The following ADGRL1 variants were observed in gnomAD, a reference collection of about 807,000 sequenced individuals.
ADGRL1 encodes CIRL-1.
ADGRL1 carries 31 observed loss-of-function variants against 148.9 expected under a neutral mutation model. The observed-to-expected ratio is 0.21, with a 90% CI of 0.16 to 0.28. The LOEUF is 0.28. Ranked by LOEUF, ADGRL1 falls within the 10% of genes least tolerant of loss-of-function variation. ADGRL1 has a pLI of 1.00. For synonymous variants in ADGRL1, 937 were observed against 900.3 expected (o/e 1.04, Z -0.73); for missense variants, 1,521 against 2,058.8 (o/e 0.74, Z 5.05).
Position 14,155,257 on chromosome 19 carries a change from T to C in ADGRL1, c.3294+102A>G. The C allele has an allele frequency of 7.4e-7, 1 of 1,356,996 alleles. No individual in the cohort carries two copies. Among genetic ancestry groups the C allele is most frequent in the Non-Finnish European group, 1.0e-6 (1 of 980,802 alleles). The allele number at this position is 1,356,996 out of a possible 1,614,324, so 84.1% of individuals were successfully genotyped here. A position where few individuals can be genotyped will look rare whatever the true frequency, so the allele number is the denominator to read the frequency against. On this transcript the variant is annotated intron_variant, in intron 18 of 22. Coordinates refer to ENST00000361434, the MANE Select transcript of ADGRL1 (RefSeq NM_014921.5). This position sits in a 1 kb window ranked among gnomAD's most constrained non-coding sequence, Gnocchi z 5.0. Reference sequence around the variant, plus strand: ...AGCCCTGCAGCACTCACTGGGGGCTTGAGGGAGCCCCTGAGTCCCCTCCAC... The same window carrying C: ...AGCCCTGCAGCACTCACTGGGGGCTCGAGGGAGCCCCTGAGTCCCCTCCAC...
chr19:14,167,955 C>T (rs1005184485), intron 4 of ADGRL1, among the ~76,000 whole-genome samples: 6 of 152,118 alleles, frequency 3.9e-5, no homozygotes, highest in East Asian at 1.9e-4. Context: ...GAGGAAGGGG[C>T]GCGGTTAGAC....
intron 2 of ADGRL1, among the ~76,000 whole-genome samples, chr19:14,179,860 A>G (rs1352001086): frequency 6.6e-6 from 1 of 151,938 alleles, no homozygotes; most frequent in Non-Finnish European, 1.5e-5. Flanking sequence ...CAGTGATGGC[A>G]TGCAGAGATC....
In ADGRL1 at chr19:14,152,471, G is replaced by C; in HGVS notation, c.3521-34C>G. ...AGGATCAGAGGTCACAAGGCAGCCG[G>C]GAGCCTCCAGAGACTGAAGCCAGAG... On this transcript the variant is annotated intron_variant, in intron 20 of 22. Transcript: ENST00000361434. This position sits in a 1 kb window ranked among gnomAD's most constrained non-coding sequence, Gnocchi z 6.1. 1.2e-6 allele frequency: 2 copies of C among 1,608,918 alleles called. No individual in the cohort carries two copies. The highest frequency in any genetic ancestry group is 1.7e-6 in the Non-Finnish European group (2 of 1,175,820).
At position 14,148,177 on chromosome 19, in the gene ADGRL1, G is replaced by T. The variant is rs1180184308; in HGVS notation, c.*2696C>A. On this transcript the variant is annotated 3_prime_UTR_variant, in exon 23 of 23. Transcript: ENST00000361434. Reference sequence around the variant, plus strand: ...CTCTGTACCGTCCCAGCTGGGGTGGGGGCGTCAAGGCACCAGGTCTGGTTA... The same window carrying T: ...CTCTGTACCGTCCCAGCTGGGGTGGTGGCGTCAAGGCACCAGGTCTGGTTA... 1 of 152,866 alleles carries T rather than the reference G, an allele frequency of 6.5e-6. No individual in the cohort carries two copies. Among genetic ancestry groups the T allele is most frequent in the Non-Finnish European group, 1.5e-5 (1 of 68,218 alleles). 9.5% of individuals were successfully genotyped at this position (152,866 alleles called of 1,614,324 possible). A position where few individuals can be genotyped will look rare whatever the true frequency, so the allele number is the denominator to read the frequency against.
rs1968334335 is a variant in ADGRL1 at position 14,152,675 on chromosome 19, A to C, written c.3424-62T>G. On this transcript the variant is annotated intron_variant, in intron 19 of 22. Transcript: ENST00000361434. The surrounding 1 kb of genome is among the most constrained non-coding windows in gnomAD (Gnocchi z 6.1). ...CCACCCACCCTCTGGCGTCTTTCTG[A>C]GACTGCTCACCTGATCATCACGATC... 1 of 1,602,064 alleles carries C rather than the reference A, an allele frequency of 6.2e-7. No homozygotes were observed. Among genetic ancestry groups the C allele is most frequent in the Admixed American group, 1.7e-5 (1 of 59,790 alleles).
rs147773401 is a variant in ADGRL1, at chr19:14,184,626, A to G, written c.-95-929T>C. Among the ~76,000 whole-genome samples, 5 of 88,804 alleles carry G rather than the reference A, an allele frequency of 5.6e-5. 1 individual carries two copies. In the South Asian group the frequency reaches 1.6e-3, roughly 28 times the overall value. The allele number at this position is 88,804 out of a possible 152,430, so 58.3% of individuals were successfully genotyped here. ...TTTTATTTTATTTATTTATTTATTT[A>G]TTTATTTATTTATTTATTTATTTTT... On this transcript the variant is annotated intron_variant, in intron 1 of 22. Transcript: ENST00000361434.
chr19:14,184,646 A>ATTTTTTTTTTTTTTTT (rs368698858), intron 1 of ADGRL1, among the ~76,000 whole-genome samples: 1 of 97,730 alleles, frequency 1.0e-5, no homozygotes, highest in Admixed American at 1.1e-4. Context: ...TTATTTATTT[A>ATTTTTTTTTTTTTTTT]TTTTTTTTTC....
chr19:14,200,263 G>C (rs1321463745), intron 1 of ADGRL1, among the ~76,000 whole-genome samples: 2 of 152,228 alleles, frequency 1.3e-5, no homozygotes, highest in African/African-American at 4.8e-5. Context: ...GTGAGCTGGT[G>C]AGGAGAGTGG....
chr19:14,200,298 C>T (rs944669410), intron 1 of ADGRL1, among the ~76,000 whole-genome samples: 4 of 152,106 alleles, frequency 2.6e-5, no homozygotes, highest in African/African-American at 7.2e-5. Context: ...AGGGAGGTGC[C>T]GGGAACAGAC....
chr19:14,163,359 T>A lies in ADGRL1; in HGVS notation c.442A>T (p.Thr148Ser). Residue 148 changes from threonine to serine, a missense_variant, in exon 5 of 23, where the codon ACA (threonine) becomes TCA (serine). Transcript: ENST00000361434. ...CCAGACTGGTGCTCTGACTCGTGTGTCGAGGTGGGCTCCAGCACCTTCTGC... is the reference window on the plus strand; with the variant it reads ...CCAGACTGGTGCTCTGACTCGTGTGACGAGGTGGGCTCCAGCACCTTCTGC... ...TLQKVLEPTSTHESEHQSGAW... is the reference protein window; with the variant it reads ...TLQKVLEPTSSHESEHQSGAW... The A allele has an allele frequency of 6.3e-7, 1 of 1,599,210 alleles. No individual in the cohort carries two copies. The highest frequency in any genetic ancestry group is 8.5e-7 in the Non-Finnish European group (1 of 1,173,944).
intron 4 of ADGRL1, among the ~76,000 whole-genome samples, chr19:14,165,528 C>A (rs1281079773): frequency 6.6e-6 from 1 of 152,132 alleles, no homozygotes; most frequent in Admixed American, 6.5e-5. Context: ...ACAGCAAGGA[C>A]CCTTCACCAG....
intron 1 of ADGRL1, among the ~76,000 whole-genome samples, chr19:14,202,822 C>T (rs780885935): frequency 9.9e-5 from 15 of 152,026 alleles, no homozygotes; most frequent in Non-Finnish European, 1.8e-4. Flanking sequence ...CATGACCACC[C>T]CCTCTGCAAA....
intron 4 of ADGRL1, among the ~76,000 whole-genome samples, chr19:14,167,645 C>A (rs966513178): frequency 3.3e-5 from 5 of 152,082 alleles, no homozygotes; most frequent in Admixed American, 6.5e-5. Flanking sequence ...CAAGCCCTCA[C>A]AACCCAGAAG....
At chr19:14,177,145 C>A (rs560402789) in intron 3 of ADGRL1, among the ~76,000 whole-genome samples, 5 of 152,204 alleles carry the variant, frequency 3.3e-5, no homozygotes, top group African/African-American at 1.2e-4. Context: ...GCAGAAGAAT[C>A]GCCTAAACCC....
chr19:14,157,666 T>C lies in ADGRL1; in HGVS notation c.2536-206A>G, dbSNP rs1355307827. 1.3e-5 allele frequency among the ~76,000 whole-genome samples: 2 copies of C among 152,206 alleles called. No homozygotes were observed. Among genetic ancestry groups the C allele is most frequent in the Admixed American group, 1.3e-4 (2 of 15,290 alleles). ...AAGGCTTGTGGAGAGATGACCAACGTAACACCAACTTGCTTCTCCAGAGTG... is the reference window on the plus strand; with the variant it reads ...AAGGCTTGTGGAGAGATGACCAACGCAACACCAACTTGCTTCTCCAGAGTG... On this transcript the variant is annotated intron_variant, in intron 13 of 22. Transcript: ENST00000361434. The surrounding 1 kb of genome is among the most constrained non-coding windows in gnomAD (Gnocchi z 7.5).
rs1969543160 is a variant in ADGRL1, at chr19:14,162,865, G to A, written c.936C>T (p.Asn312=). Residue 312 remains asparagine (N), a synonymous_variant, in exon 5 of 23, where the codon AAC becomes AAT. Transcript: ENST00000361434. The surrounding 1 kb of genome is among the most constrained non-coding windows in gnomAD (Gnocchi z 5.4). The part of the protein sequence containing the change: ...ETGYDKRSAS[N]AFMVCGVLYV... ...ACAGGACCCCACACACCATGAAGGC[G>A]TTGGATGCCGAGCGCTTGTCGTAAC... 1 of 1,614,016 alleles carries A rather than the reference G, an allele frequency of 6.2e-7. No homozygotes were observed. The highest frequency in any genetic ancestry group is 8.5e-7 in the Non-Finnish European group (1 of 1,179,966).
chr19:14,159,368 T>A lies in ADGRL1; in HGVS notation c.2023+33A>T. The A allele has an allele frequency of 6.3e-7, 1 of 1,585,866 alleles. No individual in the cohort carries two copies. Among genetic ancestry groups the A allele is most frequent in the Non-Finnish European group, 8.6e-7 (1 of 1,162,172 alleles). On this transcript the variant is annotated intron_variant, in intron 10 of 22. Coordinates refer to ENST00000361434, the MANE Select transcript of ADGRL1 (RefSeq NM_014921.5). This position sits in a 1 kb window ranked among gnomAD's most constrained non-coding sequence, Gnocchi z 6.0. ...AGAACCCCGTGGTTTAAGGTTCGTA[T>A]CTGAGTTTGCCCTGGGTGACTGTGG...
chr19:14,170,596 G>T, intron 4 of ADGRL1, 86 bp downstream of exon 4: 2 of 774,918 alleles, frequency 2.6e-6, no homozygotes, highest in Non-Finnish European at 4.4e-6. Context: ...ATGCATGTGT[G>T]CACATGTGTG....
chr19:14,183,395 C>T (rs1207457222), intron 2 of ADGRL1, 138 bp downstream of exon 2: 1 of 767,392 alleles, frequency 1.3e-6, no homozygotes. Flanking sequence ...TTCCACTGGC[C>T]TGCTCCAGCT....
Sources: gnomAD v4.1 joint callset for allele counts (sites outside exome capture counted in the v4.1 genomes callset) on GRCh38, gnomAD v4.1.1 for gene constraint, Gnocchi (gnomAD v3.1) non-coding constraint, MANE v1.5 for transcripts, NCBI Gene and HGNC (gene_info 2026-07-23, HGNC 2026-07-21) for gene names.